Variants in MED14 observed in about 807,000 individuals in gnomAD.
The protein encoded by MED14 is mediator of RNA polymerase II transcription subunit 14.
In MED14, 8 loss-of-function variants were observed where a neutral mutation model predicts 109.0. That is an observed-to-expected ratio of 0.07 (90% CI 0.04 to 0.13). The LOEUF (loss-of-function observed/expected upper bound fraction) is 0.13, where lower values mean the gene tolerates loss of function less well. MED14 is among the 10% of genes least tolerant of loss of function. The probability of loss-of-function intolerance (pLI) is 1.00; values close to 1 mark genes in which losing one functional copy is unlikely to be tolerated. For missense variants in MED14, 711 were observed against 1,142.4 expected (o/e 0.62, Z 5.44); for synonymous variants, 399 against 408.7 (o/e 0.98, Z 0.29).
chrX:40,670,630 G>A (rs757690004), intron 23 of MED14, among the ~76,000 whole-genome samples: 9 of 110,304 alleles, frequency 8.2e-5, no homozygotes, highest in East Asian at 2.8e-4. Context: ...GCGCGGTAGC[G>A]GGCGCCTGTA....
chrX:40,670,299 C>T (rs1374046098), intron 23 of MED14, among the ~76,000 whole-genome samples: 8 of 112,052 alleles, frequency 7.1e-5, no homozygotes, highest in African/African-American at 2.3e-4. Context: ...TCGATTCTCA[C>T]AACATCTCTA....
chrX:40,660,579 C>G (rs1929226747), intron 26 of MED14, among the ~76,000 whole-genome samples: 1 of 111,674 alleles, frequency 9.0e-6, no homozygotes, highest in Non-Finnish European at 1.9e-5. Flanking sequence ...TGGCTGTGTT[C>G]CAATAAAACT....
Position 40,650,348 on chromosome X carries a change from T to C in MED14, c.*1458A>G. The C allele has an allele frequency of 4.0e-6, 3 of 752,637 alleles. No homozygotes were observed. The highest frequency in any genetic ancestry group is 3.1e-6 in the Non-Finnish European group (2 of 637,889). 62.0% of individuals were successfully genotyped at this position (752,637 alleles called of 1,213,427 possible). A position where few individuals can be genotyped will look rare whatever the true frequency, so the allele number is the denominator to read the frequency against. On this transcript the variant is annotated 3_prime_UTR_variant, in exon 31 of 31. Transcript: ENST00000324817. ...AATCAAACAAAGTTGAGAACAGATA[T>C]GATATAGGTACAGTGAGATACTTGA...
chrX:40,683,715 G>A (rs1415270179), intron 16 of MED14, among the ~76,000 whole-genome samples: 2 of 111,597 alleles, frequency 1.8e-5, no homozygotes, highest in Admixed American at 9.5e-5. Context: ...GTCACTGACT[G>A]AATAACCATG....
At position 40,730,717 on chromosome X, in the gene MED14, A is replaced by T. The variant is rs1932047832; in HGVS notation, c.216-1372T>A. On this transcript the variant is annotated intron_variant, in intron 1 of 30. Transcript: ENST00000324817. ...TATGGATAAGAAAGCTACCATTTAG[A>T]GTAAAAGTTCTAAAATGCAAATGTT... is the stretch of plus-strand genomic sequence containing the variant. 3.6e-5 allele frequency among the ~76,000 whole-genome samples: 4 copies of T among 111,609 alleles called. No individual in the cohort carries two copies. In the South Asian group the frequency reaches 1.5e-3, roughly 42 times the overall value.
chrX:40,691,605 A>C (rs60102808), intron 15 of MED14, among the ~76,000 whole-genome samples: 25 of 1,757 alleles, frequency 0.014, no homozygotes, highest in Non-Finnish European at 0.023. Context: ...TTTTCTTTTA[A>C]TCTTTTTTTT....
chrX:40,700,124 G>A (rs1465790424), intron 12 of MED14, among the ~76,000 whole-genome samples: 1 of 109,418 alleles, frequency 9.1e-6, no homozygotes, highest in Admixed American at 9.8e-5. Context: ...ACTCCAGCCC[G>A]GGCAAGAGAG....
intron 15 of MED14, among the ~76,000 whole-genome samples, chrX:40,691,566 C>CATCAGTCA (rs1316321599): frequency 9.8e-6 from 1 of 101,853 alleles, no homozygotes; most frequent in Non-Finnish European, 2.0e-5. Context: ...GGATTACAGG[C>CATCAGTCA]ATCAGTCACT....
intron 23 of MED14, among the ~76,000 whole-genome samples, chrX:40,670,776 A>AAT (rs1555989419): frequency 6.4e-5 from 7 of 109,264 alleles, no homozygotes; most frequent in African/African-American, 2.4e-4. Context: ...TCAAAAAAAA[A>AAT]AAAAAATAAA....
intron 30 of MED14, 145 bp downstream of exon 30, chrX:40,654,219 A>T: frequency 2.1e-6 from 1 of 480,877 alleles, no homozygotes; most frequent in Non-Finnish European, 3.4e-6. Context: ...GGCAGACATT[A>T]AGAGGGCCAC....
intron 3 of MED14, among the ~76,000 whole-genome samples, chrX:40,722,763 G>C (rs998123276): frequency 3.6e-5 from 4 of 111,645 alleles, no homozygotes; most frequent in African/African-American, 1.3e-4. Context: ...TCTCTAATAT[G>C]TTTGGTAGGA....
intron 3 of MED14, among the ~76,000 whole-genome samples, chrX:40,716,737 C>A (rs1030078999): frequency 9.8e-5 from 11 of 111,790 alleles, no homozygotes; most frequent in Non-Finnish European, 1.3e-4. Flanking sequence ...GCACTACTCA[C>A]AATAGCCAAG....
At chrX:40,681,608 A>G (rs954299600) in intron 19 of MED14, among the ~76,000 whole-genome samples, 3 of 111,710 alleles carry the variant, frequency 2.7e-5, no homozygotes, top group African/African-American at 6.5e-5. Context: ...CCATCAGTAC[A>G]TTACCTTGTC....
intron 15 of MED14, among the ~76,000 whole-genome samples, chrX:40,691,238 T>C (rs920014316): frequency 8.9e-6 from 1 of 112,073 alleles, no homozygotes; most frequent in Admixed American, 9.5e-5. Flanking sequence ...GCTTCTCCCA[T>C]GTGAGAAAAG....
chrX:40,656,308 G>A (rs754666629), intron 28 of MED14, among the ~76,000 whole-genome samples: 14 of 111,472 alleles, frequency 1.3e-4, no homozygotes, highest in Non-Finnish European at 2.5e-4. Flanking sequence ...AATGAAAAAC[G>A]CGGAAAAAAT....
intron 3 of MED14, among the ~76,000 whole-genome samples, chrX:40,720,670 C>T (rs1174257200): frequency 1.8e-5 from 2 of 110,506 alleles, no homozygotes; most frequent in Non-Finnish European, 3.8e-5. Context: ...GCTGGGGGGC[C>T]TAAGGGAGTG....
intron 1 of MED14, among the ~76,000 whole-genome samples, chrX:40,731,846 T>G (rs1483967950): frequency 8.9e-6 from 1 of 112,502 alleles, no homozygotes; most frequent in Non-Finnish European, 1.9e-5. Context: ...ATATATTGAT[T>G]TATGACAATT....
At chrX:40,673,297 A>C (rs994293213) in intron 22 of MED14, among the ~76,000 whole-genome samples, 4 of 112,398 alleles carry the variant, frequency 3.6e-5, no homozygotes, top group African/African-American at 1.3e-4. Flanking sequence ...TTAACTTAAA[A>C]ACAAACAAAC....
At chrX:40,691,459 AT>A (rs1396142358) in intron 15 of MED14, among the ~76,000 whole-genome samples, 1 of 110,967 alleles carries the variant, frequency 9.0e-6, no homozygotes, top group Admixed American at 9.6e-5. Context: ...CTTTTCTTTA[AT>A]TTTTTTAAAA....
Sources: allele counts gnomAD v4.1 joint callset (sites outside exome capture counted in the v4.1 genomes callset), GRCh38; gene constraint gnomAD v4.1.1; transcripts MANE v1.5; gene names NCBI Gene and HGNC (gene_info 2026-07-23, HGNC 2026-07-21).